Variants in APBB2 observed in about 807,000 individuals in gnomAD.
The protein encoded by APBB2 is Fe65-like 1.
In APBB2, 38 loss-of-function variants were observed where a neutral mutation model predicts 82.5. The observed-to-expected ratio is 0.46, with a 90% CI of 0.36 to 0.60. The LOEUF is 0.60. Ranked by LOEUF, APBB2 falls within the 20% of genes least tolerant of loss-of-function variation. The pLI is 0.00. For missense variants in APBB2, 772 were observed against 972.3 expected, an observed-to-expected ratio of 0.79 and a Z score of 2.74; for synonymous variants, 341 against 368.2, an observed-to-expected ratio of 0.93 and a Z score of 0.85.
At chr4:41,083,441 A>G (rs1738416658) in intron 3 of APBB2, among the ~76,000 whole-genome samples, 1 of 152,062 alleles carries the variant, frequency 6.6e-6, no homozygotes, top group South Asian at 2.1e-4. Context: ...CTGTAATCTC[A>G]GCACTTTGGG....
chr4:40,840,414 G>A (rs1392815592), intron 12 of APBB2, among the ~76,000 whole-genome samples: 2 of 152,140 alleles, frequency 1.3e-5, no homozygotes, highest in African/African-American at 2.4e-5. Flanking sequence ...ATCAGGAAGC[G>A]AAAGTACGTA....
intron 6 of APBB2, among the ~76,000 whole-genome samples, chr4:41,011,094 G>A (rs1046223305): frequency 5.3e-5 from 8 of 150,520 alleles, no homozygotes; most frequent in Non-Finnish European, 1.0e-4. Context: ...AAAACATAGG[G>A]ATTCTAAAAA....
intron 4 of APBB2, among the ~76,000 whole-genome samples, chr4:41,041,005 C>G (rs1194285767): frequency 6.6e-6 from 1 of 152,072 alleles, no homozygotes; most frequent in Non-Finnish European, 1.5e-5. Flanking sequence ...CTCAGCCTCT[C>G]GAGCAGCTGG....
At chr4:40,946,232 C>CAAAAAAAAAAAAAAAAAAA (rs55995119) in intron 6 of APBB2, among the ~76,000 whole-genome samples, 2 of 78,700 alleles carry the variant, frequency 2.5e-5, no homozygotes, top group African/African-American at 5.1e-5. Context: ...ACTCTATCTC[C>CAAAAAAAAAAAAAAAAAAA]AAAAAAAAAA....
chr4:41,034,657 G>A (rs2154443727), intron 4 of APBB2, among the ~76,000 whole-genome samples: 1 of 152,346 alleles, frequency 6.6e-6, no homozygotes, highest in South Asian at 2.1e-4. Context: ...ACCAAGAGGT[G>A]AAGAATATGC....
rs148725433 is a variant in APBB2, at chr4:41,200,375, A to AT, written c.-417+14029dup. 2.6e-3 allele frequency among the ~76,000 whole-genome samples: 387 copies of AT among 151,044 alleles called. 2 individuals carry two copies. Among genetic ancestry groups the AT allele is most frequent in the South Asian group, 7.1e-3 (34 of 4,764 alleles). The stretch of plus-strand genomic sequence containing the variant: ...TAATTTTGGAAGAAATGAATGACCT[A>AT]TTTTTTTTTTAAATAAAATTAGCCT... On this transcript the variant is annotated intron_variant, in intron 1 of 17. Transcript: ENST00000508593.
At chr4:41,131,217 C>T (rs1224326258) in intron 2 of APBB2, among the ~76,000 whole-genome samples, 1 of 152,156 alleles carries the variant, frequency 6.6e-6, no homozygotes, top group Admixed American at 6.5e-5. Context: ...TAGCTGTGCC[C>T]TTTTTCTCCA....
At chr4:41,129,459 T>G (rs975809218) in intron 2 of APBB2, among the ~76,000 whole-genome samples, 1 of 152,160 alleles carries the variant, frequency 6.6e-6, no homozygotes, top group African/African-American at 2.4e-5. Flanking sequence ...AAATCAACAG[T>G]CTAGACTTGG....
chr4:41,193,025 A>T (rs1226558762), intron 1 of APBB2, among the ~76,000 whole-genome samples: 1 of 152,242 alleles, frequency 6.6e-6, no homozygotes, highest in Non-Finnish European at 1.5e-5. Flanking sequence ...CTTGACAATG[A>T]ACGTGTTCAC....
intron 1 of APBB2, among the ~76,000 whole-genome samples, chr4:41,204,767 T>A (rs1777530856): frequency 2.0e-5 from 3 of 152,346 alleles, no homozygotes; most frequent in South Asian, 4.1e-4. Context: ...CAGAGCTGGA[T>A]AAGCCAGGAG....
At chr4:40,982,562 A>T (rs1799373065) in intron 6 of APBB2, among the ~76,000 whole-genome samples, 1 of 151,832 alleles carries the variant, frequency 6.6e-6, no homozygotes, top group Non-Finnish European at 1.5e-5. Flanking sequence ...TGAGCTCAGG[A>T]GTTCAAGACC....
chr4:40,928,760 C>T (rs944923474), intron 10 of APBB2, among the ~76,000 whole-genome samples: 8 of 150,672 alleles, frequency 5.3e-5, no homozygotes, highest in African/African-American at 2.0e-4. Flanking sequence ...TGGTGTACAC[C>T]TCTAATCCCA....
chr4:40,950,191 T>C (rs529158841), intron 6 of APBB2, among the ~76,000 whole-genome samples: 1 of 152,322 alleles, frequency 6.6e-6, no homozygotes, highest in South Asian at 2.1e-4. Context: ...CAATACCAAT[T>C]GTTGGCAGGC....
intron 3 of APBB2, among the ~76,000 whole-genome samples, chr4:41,092,723 A>G (rs975714754): frequency 6.6e-6 from 1 of 151,826 alleles, no homozygotes; most frequent in African/African-American, 2.4e-5. Context: ...GTCTGAATAG[A>G]GTTTTCATTC....
chr4:41,169,059 C>A (rs1767515159), intron 1 of APBB2, among the ~76,000 whole-genome samples: 1 of 151,948 alleles, frequency 6.6e-6, no homozygotes, highest in African/African-American at 2.4e-5. Flanking sequence ...GTGGCGCACA[C>A]CTACAGTCCT....
At chr4:40,891,148 T>C (rs1481285905) in intron 11 of APBB2, among the ~76,000 whole-genome samples, 1 of 152,160 alleles carries the variant, frequency 6.6e-6, no homozygotes, top group African/African-American at 2.4e-5. Flanking sequence ...GGCTGAAAGG[T>C]TAAGTAACTT....
intron 12 of APBB2, among the ~76,000 whole-genome samples, chr4:40,882,862 T>C (rs557268884): frequency 3.9e-5 from 6 of 152,184 alleles, no homozygotes; most frequent in South Asian, 2.1e-4. Flanking sequence ...TCTTTGGTGA[T>C]TGAGTTTTAA....
intron 4 of APBB2, among the ~76,000 whole-genome samples, chr4:41,055,367 A>AGT (rs1727465687): frequency 6.6e-6 from 1 of 152,200 alleles, no homozygotes; most frequent in African/African-American, 2.4e-5. Context: ...AACAAATAGA[A>AGT]GTGCTATGGG....
chr4:40,834,616 A>C (rs1335897349), intron 12 of APBB2, among the ~76,000 whole-genome samples: 3 of 152,030 alleles, frequency 2.0e-5, no homozygotes, highest in African/African-American at 4.8e-5. Flanking sequence ...GGATGTGATC[A>C]ACAAAGGATC....
Sources: allele counts gnomAD v4.1 joint callset (sites outside exome capture counted in the v4.1 genomes callset), GRCh38; gene constraint gnomAD v4.1.1; transcripts MANE v1.5; gene names NCBI Gene and HGNC (gene_info 2026-07-23, HGNC 2026-07-21).